LMO1: variants seen among roughly 807,000 people sequenced by gnomAD.
LMO1 encodes the protein rhombotin-1.
In LMO1, 10 loss-of-function variants were observed where a neutral mutation model predicts 18.0. The ratio of observed to expected loss-of-function variants is 0.55; its 90% CI spans 0.34 to 0.94. LMO1 has a LOEUF of 0.94. LMO1 is among the 40% of genes least tolerant of loss of function. The pLI, the probability that LMO1 is intolerant of heterozygous loss-of-function variation, is 0.02. For missense variants in LMO1, 183 were observed against 205.7 expected, an observed-to-expected ratio of 0.89 and a Z score of 0.68; for synonymous variants, 77 against 77.9, an observed-to-expected ratio of 0.99 and a Z score of 0.06.
intron 3 of LMO1, among the ~76,000 whole-genome samples, chr11:8,225,061 G>C (rs957231008): frequency 6.6e-6 from 1 of 152,098 alleles, no homozygotes; most frequent in African/African-American, 2.4e-5. Flanking sequence ...CCCAGTCCCA[G>C]AGAGGGAGAA....
chr11:8,231,301 A>G (rs867979251), intron 1 of LMO1, among the ~76,000 whole-genome samples: 5 of 152,228 alleles, frequency 3.3e-5, no homozygotes, highest in African/African-American at 1.2e-4. Context: ...AAAGGGCCCA[A>G]TGTGATGTTC....
intron 2 of LMO1, among the ~76,000 whole-genome samples, chr11:8,228,298 T>C (rs1306290880): frequency 6.6e-6 from 1 of 152,236 alleles, no homozygotes; most frequent in Non-Finnish European, 1.5e-5. Context: ...CTTGCTTCTT[T>C]CCTGCACACA....
chr11:8,231,387 T>G (rs1157705581), intron 1 of LMO1, among the ~76,000 whole-genome samples: 1 of 152,232 alleles, frequency 6.6e-6, no homozygotes, highest in Non-Finnish European at 1.5e-5. Context: ...AGGCACGACG[T>G]GCAGGTGTGG....
Position 8,226,828 on chromosome 11 carries a change from C to T in LMO1, c.365+147G>A, listed in dbSNP as rs1403636971. On this transcript the variant is annotated intron_variant, in intron 3 of 3. Transcript: ENST00000335790. ...ACACACACATAAAACACATAAAGCACATGCACGCTCATAACCTGCACGCAC... is the reference window on the plus strand; with the variant it reads ...ACACACACATAAAACACATAAAGCATATGCACGCTCATAACCTGCACGCAC... 15 of 1,383,588 alleles carry T rather than the reference C, an allele frequency of 1.1e-5. 1 individual carries two copies. In the South Asian group the frequency reaches 1.5e-4, roughly 13 times the overall value. The allele number at this position is 1,383,588 out of a possible 1,614,324, so 85.7% of individuals were successfully genotyped here. A position where few individuals can be genotyped will look rare whatever the true frequency, so the allele number is the denominator to read the frequency against.
At chr11:8,235,400 C>A (rs899637731) in intron 1 of LMO1, among the ~76,000 whole-genome samples, 2 of 152,202 alleles carry the variant, frequency 1.3e-5, no homozygotes, top group Middle Eastern at 3.2e-3. Flanking sequence ...AGCCTCTATA[C>A]CCCCTAATAC....
chr11:8,226,656 A>G (rs532127919), intron 3 of LMO1, among the ~76,000 whole-genome samples: 69 of 152,344 alleles, frequency 4.5e-4, no homozygotes, highest in Admixed American at 7.8e-4. Context: ...GCCCACTTGT[A>G]CATTTCCAAA....
intron 1 of LMO1, among the ~76,000 whole-genome samples, chr11:8,236,471 G>A (rs1952762188): frequency 2.0e-5 from 3 of 151,898 alleles, no homozygotes; most frequent in Admixed American, 6.6e-5. Context: ...TTCCCAAAGT[G>A]CTGGGGTTAG....
chr11:8,250,752 A>C (rs1846976982), intron 1 of LMO1, among the ~76,000 whole-genome samples: 1 of 152,240 alleles, frequency 6.6e-6, no homozygotes, highest in Non-Finnish European at 1.5e-5. Context: ...TCTGCTGGGC[A>C]CAGACATTTC....
intron 1 of LMO1, among the ~76,000 whole-genome samples, chr11:8,245,790 C>G (rs566209958): frequency 6.6e-6 from 1 of 152,326 alleles, no homozygotes; most frequent in East Asian, 1.9e-4. Context: ...GCTATAAAGA[C>G]ATAGCTGAGG....
chr11:8,242,547 C>T (rs983114462), intron 1 of LMO1, among the ~76,000 whole-genome samples: 3 of 152,200 alleles, frequency 2.0e-5, no homozygotes, highest in Non-Finnish European at 4.4e-5. Flanking sequence ...TCTGTAGCTT[C>T]CACCAACCCC....
intron 1 of LMO1, among the ~76,000 whole-genome samples, chr11:8,240,553 G>A (rs1038720640): frequency 2.0e-5 from 3 of 152,220 alleles, no homozygotes; most frequent in Admixed American, 6.5e-5. Context: ...TGGGAAATCC[G>A]AGAGCAAGGC....
chr11:8,230,932 A>T (rs542394122), intron 1 of LMO1, among the ~76,000 whole-genome samples: 34 of 152,322 alleles, frequency 2.2e-4, no homozygotes, highest in Non-Finnish European at 4.1e-4. Flanking sequence ...GGTCCTCTAG[A>T]ACCCCCAGAT....
Position 8,224,312 on chromosome 11 carries a change from C to T in LMO1, c.*304G>A, listed in dbSNP as rs902540473. ...ATGTGAACAACGCAGAGTAACCTCC[C>T]GGAAACATTCATAAGTTTAATCCAC... On this transcript the variant is annotated 3_prime_UTR_variant, in exon 4 of 4. Transcript: ENST00000335790. 2.0e-5 allele frequency: 8 copies of T among 395,840 alleles called. No homozygotes were observed. The highest frequency in any genetic ancestry group is 9.8e-5 in the African/African-American group (5 of 50,860). The allele number at this position is 395,840 out of a possible 1,614,324, so 24.5% of individuals were successfully genotyped here.
intron 1 of LMO1, among the ~76,000 whole-genome samples, chr11:8,231,335 G>A (rs1180490055): frequency 2.6e-5 from 4 of 152,222 alleles, no homozygotes; most frequent in Non-Finnish European, 5.9e-5. Context: ...GCCTCCCGTC[G>A]CGGCAGGCGA....
At position 8,263,435 on chromosome 11, in the gene LMO1, G is replaced by A. The variant is rs557137034; in HGVS notation, c.-73C>T. ...GCGCCGACTCGGGGCGCGCTTTGGA[G>A]GGGCGGCCGGTCTTCGGGCAGCTAG... On this transcript the variant is annotated 5_prime_UTR_variant, in exon 1 of 4. Transcript: ENST00000335790. 1.3e-6 allele frequency: 2 copies of A among 1,578,336 alleles called. No homozygotes were observed. The highest frequency in any genetic ancestry group is 1.7e-6 in the Non-Finnish European group (2 of 1,169,450).
chr11:8,257,572 G>A (rs908361314), intron 1 of LMO1, among the ~76,000 whole-genome samples: 2 of 152,244 alleles, frequency 1.3e-5, no homozygotes, highest in Admixed American at 1.3e-4. Flanking sequence ...CTCAGGGCTA[G>A]GGCAGAAGGC....
chr11:8,252,488 T>C (rs1406278842), intron 1 of LMO1, among the ~76,000 whole-genome samples: 1 of 152,188 alleles, frequency 6.6e-6, no homozygotes, highest in African/African-American at 2.4e-5. Flanking sequence ...CCCACTTCCT[T>C]GAGTGTGGGC....
At chr11:8,226,571 G>A (rs182987507) in intron 3 of LMO1, among the ~76,000 whole-genome samples, 1 of 152,232 alleles carries the variant, frequency 6.6e-6, no homozygotes, top group African/African-American at 2.4e-5. Flanking sequence ...ATGCATGCAC[G>A]TTGCACATAC....
chr11:8,227,141 G>A lies in LMO1; in HGVS notation c.240-41C>T, dbSNP rs747578674. On this transcript the variant is annotated intron_variant, in intron 2 of 3. Transcript: ENST00000335790. ...CGCAGAGGACTCAGCAGCATTCTGG[G>A]AAGCTGGGTGGGCAGGGGGAAAGGA... The A allele has an allele frequency of 8.8e-6, 14 of 1,587,560 alleles. No individual in the cohort carries two copies. In the East Asian group the frequency reaches 2.3e-4, roughly 26 times the overall value.
Sources: gnomAD v4.1 joint callset for allele counts (sites outside exome capture counted in the v4.1 genomes callset) on GRCh38, gnomAD v4.1.1 for gene constraint, MANE v1.5 for transcripts, NCBI Gene and HGNC (gene_info 2026-07-23, HGNC 2026-07-21) for gene names.